The following BUB1B variants were observed in gnomAD, a reference collection of about 807,000 sequenced individuals.
The protein encoded by BUB1B is BUB1 mitotic checkpoint serine/threonine kinase B.
In BUB1B, 86 loss-of-function variants were observed where a neutral mutation model predicts 137.7. The ratio of observed to expected loss-of-function variants is 0.62; its 90% CI spans 0.52 to 0.75. The LOEUF is 0.75. Ranked by LOEUF, BUB1B falls within the 30% of genes least tolerant of loss-of-function variation. The pLI is 0.00. For synonymous variants in BUB1B, 420 were observed against 417.9 expected (o/e 1.00, Z -0.06); for missense variants, 1,130 against 1,236.9 (o/e 0.91, Z 1.30).
chr15:40,203,750 A>G (rs2037603988), intron 14 of BUB1B, among the ~76,000 whole-genome samples: 1 of 152,224 alleles, frequency 6.6e-6, no homozygotes, highest in Non-Finnish European at 1.5e-5. Flanking sequence ...TACTTAAGGT[A>G]AAAAGACCCT....
At chr15:40,187,994 C>G (rs967026326) in intron 8 of BUB1B, among the ~76,000 whole-genome samples, 1 of 152,194 alleles carries the variant, frequency 6.6e-6, no homozygotes, top group African/African-American at 2.4e-5. Flanking sequence ...TCTAATGTTT[C>G]AAGTCATTTT....
chr15:40,171,848 T>C (rs968124063), intron 4 of BUB1B, among the ~76,000 whole-genome samples: 1 of 152,160 alleles, frequency 6.6e-6, no homozygotes, highest in Admixed American at 6.5e-5. Flanking sequence ...TTACTTGACA[T>C]GTAGGAAAAA....
chr15:40,210,386 G>A (rs923954864), intron 18 of BUB1B, among the ~76,000 whole-genome samples, 176 bp downstream of exon 18: 3 of 151,878 alleles, frequency 2.0e-5, no homozygotes, highest in Non-Finnish European at 4.4e-5. Flanking sequence ...TTTCTGGCCT[G>A]CTCCAATCTG....
chr15:40,168,165 T>C (rs1287935831), intron 2 of BUB1B, among the ~76,000 whole-genome samples: 1 of 151,802 alleles, frequency 6.6e-6, no homozygotes, highest in African/African-American at 2.4e-5. Context: ...GTGAGGAGTT[T>C]AAGACCAGCC....
At position 40,216,571 on chromosome 15, in the gene BUB1B, AT is replaced by A. The variant is rs71426368; in HGVS notation, c.2679-910del. On this transcript the variant is annotated intron_variant, in intron 20 of 22. Coordinates refer to ENST00000287598, the MANE Select transcript of BUB1B (RefSeq NM_001211.6). The stretch of plus-strand genomic sequence containing the variant: ...ACTATATATATATATATATATATAT[AT>A]TTTTTTTTTTTTTTAATTATAGTAT... Among the ~76,000 whole-genome samples the A allele has an allele frequency of 8.5e-3, 702 of 82,998 alleles. 6 individuals are homozygous for A. Among genetic ancestry groups the A allele is most frequent in the South Asian group, 0.021 (52 of 2,428 alleles). The allele number at this position is 82,998 out of a possible 152,430, so 54.4% of individuals were successfully genotyped here.
rs1280047590 is a variant in BUB1B, at chr15:40,209,627, A to G, written c.2144-8A>G. ...TGATATATTTTCACCTTTCCCTCCC[A>G]CTGGCAGAAAACCCTACTCAGTCAC... On this transcript the variant is annotated splice_polypyrimidine_tract_variant and splice_region_variant and intron_variant, in intron 16 of 22. Transcript: ENST00000287598. 1 of 1,613,984 alleles carries G rather than the reference A, an allele frequency of 6.2e-7. No homozygotes were observed. Among genetic ancestry groups the G allele is most frequent in the Admixed American group, 1.7e-5 (1 of 60,002 alleles).
rs770279504 is a variant in BUB1B, at chr15:40,220,669, G to A, written c.3063G>A (p.Gly1021=). The A allele has an allele frequency of 3.1e-6, 5 of 1,614,128 alleles. No individual in the cohort carries two copies. Among genetic ancestry groups the A allele is most frequent in the Admixed American group, 3.3e-5 (2 of 60,004 alleles). Residue 1021 remains glycine (G), a synonymous_variant, in exon 23 of 23, where the codon GGG becomes GGA. Coordinates refer to ENST00000287598, the MANE Select transcript of BUB1B (RefSeq NM_001211.6). ...GGGAGCTTGCAGCAGAAATGAATGG[G>A]GTTTTTGACACTACATTCCAAAGTC... ...VLGELAAEMN[G]VFDTTFQSHL...
chr15:40,188,676 G>A (rs1014504088), intron 8 of BUB1B, among the ~76,000 whole-genome samples: 5 of 145,784 alleles, frequency 3.4e-5, no homozygotes, highest in African/African-American at 2.6e-5. Flanking sequence ...TCCGCCTCCC[G>A]GGTTCAAGCA....
chr15:40,202,761 C>T (rs1044456503), intron 14 of BUB1B, 67 bp downstream of exon 14: 14 of 1,332,492 alleles, frequency 1.1e-5, no homozygotes, highest in African/African-American at 1.4e-5. Context: ...ACCACAAAAG[C>T]TTAAGGTTAA....
chr15:40,202,607 A>G lies in BUB1B; in HGVS notation c.1647A>G (p.Pro549=), dbSNP rs1343249997. ...TTTCCAGTCCTCCTGCAGATCCCCC[A>G]CGAGTTTTAGCTCAACGAAGACCCC... is the stretch of plus-strand genomic sequence containing the variant. The part of the protein sequence containing the change: ...KKNKSPPADP[P]RVLAQRRPLA... Residue 549 remains proline (P), a synonymous_variant, in exon 14 of 23, where the codon CCA becomes CCG. Transcript: ENST00000287598. The G allele has an allele frequency of 1.2e-6, 2 of 1,613,970 alleles. No individual in the cohort carries two copies. Among genetic ancestry groups the G allele is most frequent in the African/African-American group, 2.7e-5 (2 of 74,904 alleles).
chr15:40,185,104 A>T (rs2037342795), intron 6 of BUB1B, 61 bp from the exon 7 acceptor site: 3 of 1,399,472 alleles, frequency 2.1e-6, no homozygotes, highest in Non-Finnish European at 3.0e-6. Flanking sequence ...GGTATACTTT[A>T]TCTGGCATCT....
chr15:40,198,854 A>G (rs1336235104), intron 9 of BUB1B, among the ~76,000 whole-genome samples: 1 of 152,130 alleles, frequency 6.6e-6, no homozygotes, highest in African/African-American at 2.4e-5. Flanking sequence ...GCTACTCAGG[A>G]GAGTGAGGCA....
intron 4 of BUB1B, chr15:40,174,026 G>C: frequency 7.5e-6 from 3 of 399,802 alleles, no homozygotes; most frequent in South Asian, 5.6e-5. Flanking sequence ...CAAAAAAAAG[G>C]TTTATTTAAC....
rs548540749 is a variant in BUB1B, at chr15:40,170,101, C to T, written c.219C>T (p.Asp73=). The T allele has an allele frequency of 9.3e-6, 15 of 1,613,838 alleles. No homozygotes were observed. In the African/African-American group the frequency reaches 2.0e-4, roughly 22 times the overall value. Reference sequence around the variant, plus strand: ...AAATTCGATTTTACACTGGAAATGACCCTCTGGATGTTTGGGATAGGTGGG... The same window carrying T: ...AAATTCGATTTTACACTGGAAATGATCCTCTGGATGTTTGGGATAGGTGGG... ...EYEIRFYTGN[D]PLDVWDRYIS... is the part of the protein sequence containing the mutation. The change falls in exon 3 of 23, where the codon GAC becomes GAT. Residue 73 remains aspartate (D), a synonymous_variant. Coordinates refer to ENST00000287598, the MANE Select transcript of BUB1B (RefSeq NM_001211.6).
intron 2 of BUB1B, chr15:40,166,316 T>A (rs2037096713): frequency 2.3e-6 from 1 of 431,068 alleles, no homozygotes; most frequent in African/African-American, 2.1e-5. Context: ...AGGCTTTTTG[T>A]AGACATAATT....
chr15:40,188,803 G>A (rs1248842781), intron 8 of BUB1B, among the ~76,000 whole-genome samples: 1 of 151,498 alleles, frequency 6.6e-6, no homozygotes, highest in African/African-American at 2.4e-5. Flanking sequence ...GGCTGGTCTC[G>A]AACTCCTGAC....
chr15:40,183,969 G>T, intron 6 of BUB1B, 86 bp downstream of exon 6: 1 of 1,409,538 alleles, frequency 7.1e-7, no homozygotes, highest in East Asian at 2.4e-5. Context: ...TATACCTGTG[G>T]ACACTTCTAG....
Position 40,170,102 on chromosome 15 carries a change from C to T in BUB1B, c.220C>T (p.Pro74Ser). Residue 74 changes from proline to serine, a missense_variant, in exon 3 of 23, where the codon CCT (proline) becomes TCT (serine). Pro to Ser is a moderately conservative substitution (Grantham distance 74). Transcript: ENST00000287598. ...YEIRFYTGND[P>S]LDVWDRYISW... is the part of the protein sequence containing the mutation. ...AATTCGATTTTACACTGGAAATGAC[C>T]CTCTGGATGTTTGGGATAGGTGGGT... 3.1e-6 allele frequency: 5 copies of T among 1,613,686 alleles called. No homozygotes were observed. The highest frequency in any genetic ancestry group is 4.2e-6 in the Non-Finnish European group (5 of 1,179,734).
intron 16 of BUB1B, 75 bp downstream of exon 16, chr15:40,208,845 C>CT: frequency 1.3e-6 from 2 of 1,491,584 alleles, no homozygotes; most frequent in Non-Finnish European, 1.9e-6. Flanking sequence ...GTATGTTTTT[C>CT]TTTTTTTGAG....
Sources: allele counts gnomAD v4.1 joint callset (sites outside exome capture counted in the v4.1 genomes callset), GRCh38; gene constraint gnomAD v4.1.1; transcripts MANE v1.5; gene names NCBI Gene and HGNC (gene_info 2026-07-23, HGNC 2026-07-21).